The following LAMA3 variants were observed in gnomAD, a reference collection of about 807,000 sequenced individuals.
The protein encoded by LAMA3 is laminin subunit alpha 3.
A neutral mutation model predicts 402.0 loss-of-function variants in LAMA3; 281 were observed. The ratio of observed to expected loss-of-function variants is 0.70; its 90% CI spans 0.63 to 0.77. The LOEUF is 0.77. Ranked by LOEUF, LAMA3 falls within the 30% of genes least tolerant of loss-of-function variation. The pLI, the probability that LAMA3 is intolerant of heterozygous loss-of-function variation, is 0.00. For missense variants in LAMA3, 3,840 were observed against 4,215.5 expected (o/e 0.91, Z 2.47); for synonymous variants, 1,431 against 1,558.4 (o/e 0.92, Z 1.93).
Position 23,689,654 on chromosome 18 carries a change from G to T in LAMA3, c.-30G>T. 7.9e-7 allele frequency: 1 copy of T among 1,262,268 alleles called. No individual in the cohort carries two copies. The highest frequency in any genetic ancestry group is 9.9e-7 in the Non-Finnish European group (1 of 1,007,048). 78.2% of individuals were successfully genotyped at this position (1,262,268 alleles called of 1,614,324 possible). On this transcript the variant is annotated 5_prime_UTR_variant, in exon 1 of 75. Coordinates refer to ENST00000313654, the MANE Select transcript of LAMA3 (RefSeq NM_198129.4). ...GGTGCCCCCGAGCCCCTCTGCGGAC[G>T]GCTCAGGCGGGAGGACCCCGCGCGG...
chr18:23,748,881 C>T lies in LAMA3; in HGVS notation c.566-547C>T, dbSNP rs560079209. On this transcript the variant is annotated intron_variant, in intron 3 of 74. Transcript: ENST00000313654. The stretch of plus-strand genomic sequence containing the variant: ...ACTACATGCAGAAATGAAGTAGAAA[C>T]TCCTTTTATGATAACAGTTCTTGGC... Among the ~76,000 whole-genome samples the T allele has an allele frequency of 2.6e-5, 4 of 151,902 alleles. No individual in the cohort carries two copies. The East Asian group carries it at 7.7e-4, about 29-fold the overall frequency.
In LAMA3 at chr18:23,946,297, G is replaced by A; in HGVS notation, c.9351+13G>A. The A allele has an allele frequency of 6.2e-7, 1 of 1,613,494 alleles. No homozygotes were observed. The highest frequency in any genetic ancestry group is 8.5e-7 in the Non-Finnish European group (1 of 1,179,444). On this transcript the variant is annotated intron_variant, in intron 70 of 74. Transcript: ENST00000313654. ...AGGGAAACCAAAGGTAAATAGTTAT[G>A]TTCAGAGCCATGGACAGAAACAATT...
Position 23,695,255 on chromosome 18 carries a change from C to T in LAMA3, c.294+5278C>T, listed in dbSNP as rs76833240. Among the ~76,000 whole-genome samples the T allele has an allele frequency of 3.2e-3, 481 of 152,252 alleles. 6 individuals are homozygous for T. The East Asian group carries it at 0.038, about 12-fold the overall frequency. Reference sequence around the variant, plus strand: ...AGAAATTTCAGTTGTTCTAAGCCACCCATTTTGTGCTACTTTGTATGGCAG... The same window carrying T: ...AGAAATTTCAGTTGTTCTAAGCCACTCATTTTGTGCTACTTTGTATGGCAG... On this transcript the variant is annotated intron_variant, in intron 1 of 74. Coordinates refer to ENST00000313654, the MANE Select transcript of LAMA3 (RefSeq NM_198129.4).
intron 50 of LAMA3, 112 bp downstream of exon 50, chr18:23,904,199 G>T: frequency 8.0e-7 from 1 of 1,253,374 alleles, no homozygotes; most frequent in Admixed American, 1.8e-5. Context: ...ACTGGGTGGA[G>T]GGCGGAGGGT....
At chr18:23,869,778 G>C (rs554725953) in intron 37 of LAMA3, among the ~76,000 whole-genome samples, 195 of 152,222 alleles carry the variant, frequency 1.3e-3, no homozygotes, top group African/African-American at 4.5e-3. Context: ...AAAAAGGCAG[G>C]CTTTTGGAGG....
In LAMA3 at chr18:23,951,753, G is replaced by A; in HGVS notation, c.9712G>A (p.Asp3238Asn). The A allele has an allele frequency of 1.2e-6, 2 of 1,613,906 alleles. No homozygotes were observed. The highest frequency in any genetic ancestry group is 2.2e-5 in the East Asian group (1 of 44,876). ...TSVTPKQSLC[D>N]GQWHSVAVTI... ...GGTCACACCAAAGCAGTCTCTGTGTGATGGACAGTGGCACTCGGTGGCAGG... is the reference window on the plus strand; with the variant it reads ...GGTCACACCAAAGCAGTCTCTGTGTAATGGACAGTGGCACTCGGTGGCAGG... The change falls in exon 73 of 75, where the codon GAT becomes AAT. Residue 3238 changes from aspartate to asparagine, a missense_variant. This residue lies in a region of LAMA3 where 840 missense variants were observed against 981.9 expected (regional missense o/e 0.86). Transcript: ENST00000313654.
At chr18:23,901,843 G>A (rs538477841) in intron 48 of LAMA3, among the ~76,000 whole-genome samples, 3 of 152,200 alleles carry the variant, frequency 2.0e-5, no homozygotes, top group Admixed American at 6.5e-5. Context: ...TATATTTGGC[G>A]CCACCACGCC....
At chr18:23,717,124 A>C (rs943635899) in intron 2 of LAMA3, among the ~76,000 whole-genome samples, 1 of 152,204 alleles carries the variant, frequency 6.6e-6, no homozygotes, top group African/African-American at 2.4e-5. Flanking sequence ...GACTGAAGAC[A>C]TTTCTTTCCT....
chr18:23,946,763 C>A (rs762439256), intron 70 of LAMA3: 7 of 169,048 alleles, frequency 4.1e-5, no homozygotes, highest in Non-Finnish European at 9.0e-5. Context: ...AAATGGAAAC[C>A]CAATATTCTT....
At chr18:23,892,068 C>T (rs1439241390) in intron 42 of LAMA3, among the ~76,000 whole-genome samples, 1 of 152,162 alleles carries the variant, frequency 6.6e-6, no homozygotes, top group Non-Finnish European at 1.5e-5. Context: ...AGGGACAGAA[C>T]TTAGAGCAAA....
intron 2 of LAMA3, among the ~76,000 whole-genome samples, chr18:23,736,964 A>T (rs2061486198): frequency 6.6e-6 from 1 of 152,104 alleles, no homozygotes; most frequent in Non-Finnish European, 1.5e-5. Context: ...ATTCCCCTAG[A>T]AGTAGCTGGA....
At chr18:23,745,435 G>C (rs1183357721) in intron 2 of LAMA3, among the ~76,000 whole-genome samples, 1 of 152,022 alleles carries the variant, frequency 6.6e-6, no homozygotes, top group Non-Finnish European at 1.5e-5. Flanking sequence ...CCCACCCCTG[G>C]GCTCTCTAGA....
intron 36 of LAMA3, 41 bp downstream of exon 36, chr18:23,864,924 T>C (rs1361318122): frequency 8.0e-7 from 1 of 1,247,958 alleles, no homozygotes; most frequent in Non-Finnish European, 1.2e-6. Flanking sequence ...GAAGTGGCAG[T>C]TGCAGTTGGT....
At chr18:23,876,926 C>T (rs530132195) in intron 39 of LAMA3, among the ~76,000 whole-genome samples, 56 of 152,314 alleles carry the variant, frequency 3.7e-4, no homozygotes, top group African/African-American at 1.3e-3. Context: ...GAGACTGAGG[C>T]AGGAGAATTG....
chr18:23,922,824 A>G (rs922523313), intron 62 of LAMA3, among the ~76,000 whole-genome samples: 1 of 152,198 alleles, frequency 6.6e-6, no homozygotes, highest in African/African-American at 2.4e-5. Flanking sequence ...CCACTTATTC[A>G]TTCATTACAC....
chr18:23,894,097 A>ATGC (rs1365307775), intron 42 of LAMA3, among the ~76,000 whole-genome samples: 1 of 149,288 alleles, frequency 6.7e-6, no homozygotes, highest in Non-Finnish European at 1.5e-5. Flanking sequence ...AGAGCTAGCG[A>ATGC]TGCTGGGTAG....
chr18:23,939,143 G>T, intron 67 of LAMA3, 80 bp from the exon 68 acceptor site: 1 of 1,449,728 alleles, frequency 6.9e-7, no homozygotes, highest in South Asian at 1.1e-5. Flanking sequence ...GATCAAGGGT[G>T]AAAATTAAGC....
chr18:23,785,938 A>G lies in LAMA3; in HGVS notation c.1603+1781A>G, dbSNP rs1355317186. Among the ~76,000 whole-genome samples, 7 of 152,308 alleles carry G rather than the reference A, an allele frequency of 4.6e-5. No homozygotes were observed. The East Asian group carries it at 1.4e-3, about 29-fold the overall frequency. On this transcript the variant is annotated intron_variant, in intron 12 of 74. Coordinates refer to ENST00000313654, the MANE Select transcript of LAMA3 (RefSeq NM_198129.4). Reference sequence around the variant, plus strand: ...CCACATTTCTCCACTACTAGAGCTAATTTATTTTAAGGTAGGTAGAAAATG... The same window carrying G: ...CCACATTTCTCCACTACTAGAGCTAGTTTATTTTAAGGTAGGTAGAAAATG...
At chr18:23,730,603 G>T (rs867253420) in intron 2 of LAMA3, among the ~76,000 whole-genome samples, 1 of 151,994 alleles carries the variant, frequency 6.6e-6, no homozygotes, top group Non-Finnish European at 1.5e-5. Context: ...CTAACCTCAG[G>T]TGATCCGCCT....
Sources: gnomAD v4.1 joint callset for allele counts (sites outside exome capture counted in the v4.1 genomes callset) on GRCh38, gnomAD v4.1.1 for gene constraint, gnomAD v4.1.1 regional missense constraint, MANE v1.5 for transcripts, NCBI Gene and HGNC (gene_info 2026-07-23, HGNC 2026-07-21) for gene names.